UIMC1: variants seen among roughly 807,000 people sequenced by gnomAD.
UIMC1 encodes ubiquitin interaction motif containing 1.
UIMC1 carries 42 observed loss-of-function variants against 84.9 expected under a neutral mutation model. That is an observed-to-expected ratio of 0.49 (90% CI 0.39 to 0.64). The LOEUF (loss-of-function observed/expected upper bound fraction) is 0.64, where lower values mean the gene tolerates loss of function less well. Among genes scored for constraint, UIMC1 ranks in the 30% least tolerant of loss-of-function variants. The pLI, the probability that UIMC1 is intolerant of heterozygous loss-of-function variation, is 0.00. For missense variants in UIMC1, 825 were observed against 847.6 expected, an observed-to-expected ratio of 0.97 and a Z score of 0.33; for synonymous variants, 281 against 293.0, an observed-to-expected ratio of 0.96 and a Z score of 0.42.
intron 10 of UIMC1, among the ~76,000 whole-genome samples, chr5:176,932,767 G>T (rs1447974536): frequency 6.6e-6 from 1 of 151,616 alleles, no homozygotes; most frequent in Non-Finnish European, 1.5e-5. Flanking sequence ...CTAATACTTT[G>T]GGCATCCAGC....
At position 176,968,714 on chromosome 5, in the gene UIMC1, T is replaced by C. The variant is rs1768701921; in HGVS notation, c.1041A>G (p.Glu347=). Residue 347 remains glutamate (E), a synonymous_variant, in exon 6 of 15, where the codon GAA becomes GAG. Coordinates refer to ENST00000511320, the MANE Select transcript of UIMC1 (RefSeq NM_001199298.2). The stretch of plus-strand genomic sequence containing the variant: ...CATCTCCCATATCTTCTGAGATGCA[T>C]TCATTTTTCTCACTAGCCTGCTCTC... The part of the protein sequence containing the change: ...GQGEQASEKN[E]CISEDMGDED... 2 of 1,614,080 alleles carry C rather than the reference T, an allele frequency of 1.2e-6. No homozygotes were observed. The highest frequency in any genetic ancestry group is 1.1e-5 in the South Asian group (1 of 91,090).
intron 3 of UIMC1, among the ~76,000 whole-genome samples, chr5:176,972,219 T>C (rs1416882110): frequency 3.3e-5 from 5 of 149,380 alleles, no homozygotes. Context: ...GCTAACACGG[T>C]GAAACCCCGT....
intron 10 of UIMC1, among the ~76,000 whole-genome samples, chr5:176,936,792 T>G (rs773795474): frequency 2.0e-5 from 3 of 152,232 alleles, no homozygotes; most frequent in African/African-American, 4.8e-5. Context: ...AAATGTCATC[T>G]TCTCAAGGAG....
intron 10 of UIMC1, among the ~76,000 whole-genome samples, chr5:176,914,037 TAC>T (rs113203735): frequency 0.049 from 3,805 of 77,788 alleles, 61 homozygotes; most frequent in Non-Finnish European, 0.058. Context: ...TACCATACCA[TAC>T]ACCATACCAT....
chr5:176,905,904 A>C lies in UIMC1; in HGVS notation c.1949+107T>G. 5 of 1,240,868 alleles carry C rather than the reference A, an allele frequency of 4.0e-6. No homozygotes were observed. In the South Asian group the frequency reaches 6.2e-5, roughly 15 times the overall value. The allele number at this position is 1,240,868 out of a possible 1,614,324, so 76.9% of individuals were successfully genotyped here. A position where few individuals can be genotyped will look rare whatever the true frequency, so the allele number is the denominator to read the frequency against. ...GAGAGGTCATAATAGTTCCACAGTG[A>C]TTTCTACTGCAACAGTCTGAGTATC... On this transcript the variant is annotated intron_variant, in intron 14 of 14. Transcript: ENST00000511320.
upstream of UIMC1, among the ~76,000 whole-genome samples, chr5:177,010,193 G>A (rs886822852): frequency 4.6e-5 from 7 of 152,148 alleles, no homozygotes; most frequent in Admixed American, 1.3e-4. Flanking sequence ...TCTAAACTGA[G>A]TGACAGAGTG....
chr5:176,941,144 G>A (rs1338276634), intron 10 of UIMC1, among the ~76,000 whole-genome samples: 2 of 152,150 alleles, frequency 1.3e-5, no homozygotes, highest in African/African-American at 4.8e-5. Flanking sequence ...GTAAATGACA[G>A]CAATCCAGGT....
At chr5:176,970,566 T>G (rs1046668473) in intron 4 of UIMC1, 176 bp downstream of exon 4, 2 of 973,132 alleles carry the variant, frequency 2.1e-6, no homozygotes, top group African/African-American at 3.3e-5. Context: ...AACAAAATAC[T>G]TTAAATTGGG....
chr5:176,957,820 C>CT (rs1361164179), intron 7 of UIMC1, among the ~76,000 whole-genome samples: 2 of 152,176 alleles, frequency 1.3e-5, no homozygotes, highest in Non-Finnish European at 2.9e-5. Flanking sequence ...GATGTGACCG[C>CT]TTTTCAGAAA....
chr5:176,923,863 CAA>C (rs374892150), intron 10 of UIMC1, among the ~76,000 whole-genome samples: 31,639 of 92,710 alleles, frequency 0.34, 3,546 homozygotes, highest in Middle Eastern at 0.45. Context: ...GACTCTGTCT[CAA>C]AAAAAAAAAA....
At chr5:176,992,639 A>G (rs1773053135) in intron 1 of UIMC1, among the ~76,000 whole-genome samples, 2 of 151,906 alleles carry the variant, frequency 1.3e-5, no homozygotes, top group Admixed American at 1.3e-4. Flanking sequence ...TCTATAAAAA[A>G]AAAAAAATTT....
At chr5:177,020,435 C>T (rs1217531767) in intron 1 of UIMC1, among the ~76,000 whole-genome samples, 2 of 152,048 alleles carry the variant, frequency 1.3e-5, no homozygotes, top group African/African-American at 2.4e-5. Flanking sequence ...TTATTGTTAA[C>T]TTTTTTTGTT....
chr5:176,906,127 T>C, intron 13 of UIMC1, 80 bp from the exon 14 acceptor site: 1 of 1,372,712 alleles, frequency 7.3e-7, no homozygotes, highest in Non-Finnish European at 1.0e-6. Flanking sequence ...TTTGCTTCCG[T>C]GCTCTAGGCA....
intron 9 of UIMC1, among the ~76,000 whole-genome samples, chr5:176,946,992 A>G (rs1765203873): frequency 6.6e-6 from 1 of 152,204 alleles, no homozygotes; most frequent in Admixed American, 6.5e-5. Flanking sequence ...TAAGCACAGA[A>G]ATGTTACATG....
chr5:176,951,455 T>A lies in UIMC1; in HGVS notation c.1443+19A>T. Reference sequence around the variant, plus strand: ...ACGGAAAGAAACCACTGAGAAAAAATATAGAGGAAAATATTCACCTCCTTA... The same window carrying A: ...ACGGAAAGAAACCACTGAGAAAAAAAATAGAGGAAAATATTCACCTCCTTA... On this transcript the variant is annotated intron_variant, in intron 9 of 14. Transcript: ENST00000511320. The A allele has an allele frequency of 6.7e-7, 1 of 1,497,394 alleles. No individual in the cohort carries two copies. Among genetic ancestry groups the A allele is most frequent in the Non-Finnish European group, 8.9e-7 (1 of 1,122,774 alleles). The allele number at this position is 1,497,394 out of a possible 1,614,324, so 92.8% of individuals were successfully genotyped here.
intron 3 of UIMC1, among the ~76,000 whole-genome samples, chr5:176,971,395 C>T (rs1012894203): frequency 2.0e-5 from 3 of 152,070 alleles, no homozygotes; most frequent in African/African-American, 7.2e-5. Flanking sequence ...GGCTGGGTCC[C>T]AAGTCCAAAG....
intron 1 of UIMC1, among the ~76,000 whole-genome samples, chr5:177,004,757 T>C (rs1581724985): frequency 6.6e-6 from 1 of 152,200 alleles, no homozygotes; most frequent in African/African-American, 2.4e-5. Context: ...TCTTGATCTA[T>C]CTGAAGAAAA....
At chr5:177,002,907 A>C (rs1156597749) in intron 1 of UIMC1, among the ~76,000 whole-genome samples, 1 of 152,186 alleles carries the variant, frequency 6.6e-6, no homozygotes, top group Non-Finnish European at 1.5e-5. Flanking sequence ...TAACTTGCCC[A>C]AACACAGTAG....
At chr5:176,915,241 C>CTTTTTTTTT (rs34866468) in intron 10 of UIMC1, among the ~76,000 whole-genome samples, 1 of 139,252 alleles carries the variant, frequency 7.2e-6, no homozygotes, top group Non-Finnish European at 1.5e-5. Context: ...TATTTTGTTT[C>CTTTTTTTTT]TTTTTTTTTT....
Sources: gnomAD v4.1 joint callset for allele counts (sites outside exome capture counted in the v4.1 genomes callset) on GRCh38, gnomAD v4.1.1 for gene constraint, MANE v1.5 for transcripts, NCBI Gene and HGNC (gene_info 2026-07-23, HGNC 2026-07-21) for gene names.